The following ROBO1 variants were observed in gnomAD, a reference collection of about 807,000 sequenced individuals.
ROBO1 encodes the protein roundabout homolog 1.
In ROBO1, 149 loss-of-function variants were observed where a neutral mutation model predicts 195.9. That is an observed-to-expected ratio of 0.76 (90% CI 0.67 to 0.87). The LOEUF is 0.87. Ranked by LOEUF, ROBO1 falls within the 40% of genes least tolerant of loss-of-function variation. The probability of loss-of-function intolerance (pLI) is 0.00; values close to 1 mark genes in which losing one functional copy is unlikely to be tolerated. For synonymous variants in ROBO1, 816 were observed against 733.2 expected (o/e 1.11, Z -1.82); for missense variants, 1,933 against 2,068.3 (o/e 0.93, Z 1.27).
intron 1 of ROBO1, among the ~76,000 whole-genome samples, chr3:79,731,143 A>G (rs959493381): frequency 2.0e-5 from 3 of 152,178 alleles, no homozygotes; most frequent in African/African-American, 7.2e-5. Flanking sequence ...ACTTTAATAT[A>G]TCTCTGTCTC....
At chr3:79,261,889 C>G (rs1442076026) in intron 2 of ROBO1, among the ~76,000 whole-genome samples, 2 of 151,998 alleles carry the variant, frequency 1.3e-5, no homozygotes, top group African/African-American at 2.4e-5. Context: ...TAGAGTTGCT[C>G]TACGTTGTAA....
chr3:79,720,662 C>T (rs998711429), intron 1 of ROBO1, among the ~76,000 whole-genome samples: 12 of 152,096 alleles, frequency 7.9e-5, no homozygotes, highest in African/African-American at 2.9e-4. Context: ...ATAAAGTATG[C>T]TCAAGATTTC....
chr3:79,615,021 C>T (rs1361476014), intron 1 of ROBO1, among the ~76,000 whole-genome samples: 1 of 152,072 alleles, frequency 6.6e-6, no homozygotes, highest in African/African-American at 2.4e-5. Context: ...TCCTGTCTGT[C>T]AAGGGAATTC....
At chr3:78,688,895 G>T in intron 8 of ROBO1, 123 bp from the exon 9 acceptor site, 1 of 891,392 alleles carries the variant, frequency 1.1e-6, no homozygotes, top group Non-Finnish European at 1.6e-6. Flanking sequence ...AAACAGTCAT[G>T]ATATACCAAT....
rs139881822 is a variant in ROBO1, at chr3:78,689,332, G to A, written c.1046-560C>T. Reference sequence around the variant, plus strand: ...GACATGTTCAAACAGAATATATATGGAAATGAGGGAAAATTTGAAACATCT... The same window carrying A: ...GACATGTTCAAACAGAATATATATGAAAATGAGGGAAAATTTGAAACATCT... On this transcript the variant is annotated intron_variant, in intron 8 of 30. Transcript: ENST00000464233. 5.6e-3 allele frequency among the ~76,000 whole-genome samples: 845 copies of A among 152,194 alleles called. 6 individuals carry two copies. The highest frequency in any genetic ancestry group is 0.019 in the African/African-American group (803 of 41,518).
chr3:78,984,196 T>G (rs369281496), intron 3 of ROBO1, among the ~76,000 whole-genome samples: 1 of 152,022 alleles, frequency 6.6e-6, no homozygotes, highest in Non-Finnish European at 1.5e-5. Context: ...ATGATGAGGA[T>G]GATGATGATG....
chr3:78,898,360 CAGAT>C (rs1195018922), intron 4 of ROBO1, among the ~76,000 whole-genome samples: 2 of 137,222 alleles, frequency 1.5e-5, no homozygotes, highest in Non-Finnish European at 3.1e-5. Context: ...TATATATAGA[CAGAT>C]AGATAGATAG....
chr3:79,174,543 A>C (rs2081230571), intron 2 of ROBO1, among the ~76,000 whole-genome samples: 1 of 152,200 alleles, frequency 6.6e-6, no homozygotes, highest in Non-Finnish European at 1.5e-5. Context: ...TACCTTTAAA[A>C]TAGCTTAGAA....
intron 3 of ROBO1, among the ~76,000 whole-genome samples, chr3:79,029,500 A>G (rs1436526814): frequency 6.6e-6 from 1 of 152,172 alleles, no homozygotes; most frequent in Non-Finnish European, 1.5e-5. Context: ...AATAAACCAC[A>G]TTGTCCACTA....
intron 1 of ROBO1, among the ~76,000 whole-genome samples, chr3:79,701,116 T>C (rs1040438643): frequency 1.3e-5 from 2 of 151,754 alleles, no homozygotes; most frequent in African/African-American, 2.4e-5. Flanking sequence ...TCAACTTTGT[T>C]GAAAATAAGA....
intron 2 of ROBO1, among the ~76,000 whole-genome samples, chr3:79,588,192 G>A (rs1021788537): frequency 6.6e-6 from 1 of 151,694 alleles, no homozygotes; most frequent in African/African-American, 2.4e-5. Context: ...ATGTAAAATA[G>A]TAATGACAGA....
chr3:79,522,919 CT>C (rs1203460000), intron 2 of ROBO1, among the ~76,000 whole-genome samples: 1 of 152,078 alleles, frequency 6.6e-6, no homozygotes, highest in African/African-American at 2.4e-5. Flanking sequence ...AAATTGGAAC[CT>C]AAATAACATG....
rs187043779 is a variant in ROBO1 at position 78,921,641 on chromosome 3, T to G, written c.499+16960A>C. On this transcript the variant is annotated intron_variant, in intron 4 of 30. Transcript: ENST00000464233. ...TTTTGAGTAACAATACAAATGGGTA[T>G]GTTTGTATATAAAATATGTAAAAGT... Among the ~76,000 whole-genome samples the G allele has an allele frequency of 5.2e-3, 787 of 152,336 alleles. 6 individuals carry two copies. Among genetic ancestry groups the G allele is most frequent in the African/African-American group, 0.018 (749 of 41,572 alleles).
intron 2 of ROBO1, among the ~76,000 whole-genome samples, chr3:79,404,959 C>G (rs2037490333): frequency 6.6e-6 from 1 of 152,028 alleles, no homozygotes; most frequent in East Asian, 1.9e-4. Flanking sequence ...TCTGAACCCT[C>G]CTTGTATTAA....
At chr3:79,737,530 A>G (rs568650274) in intron 1 of ROBO1, among the ~76,000 whole-genome samples, 1 of 152,326 alleles carries the variant, frequency 6.6e-6, no homozygotes, top group Admixed American at 6.5e-5. Flanking sequence ...AAAGAAAAGA[A>G]TTTCTCTAAA....
rs116708352 is a variant in ROBO1, at chr3:79,136,738, T to C, written c.89-11199A>G. ...CTCAAACTTCTGCTTTAATCATGTA[T>C]GGCCCAAATAATTGTTGAATGTACT... is the stretch of plus-strand genomic sequence containing the variant. On this transcript the variant is annotated intron_variant, in intron 2 of 30. Coordinates refer to ENST00000464233, the MANE Select transcript of ROBO1 (RefSeq NM_002941.4). Among the ~76,000 whole-genome samples the C allele has an allele frequency of 3.6e-3, 549 of 152,230 alleles. 4 individuals carry two copies. The highest frequency in any genetic ancestry group is 0.013 in the African/African-American group (526 of 41,562).
intron 2 of ROBO1, among the ~76,000 whole-genome samples, chr3:79,433,996 G>A (rs2038786744): frequency 6.6e-6 from 1 of 152,140 alleles, no homozygotes; most frequent in Admixed American, 6.5e-5. Context: ...ATCGTGCTGG[G>A]AAAACTGGCT....
chr3:78,861,147 T>G (rs1201487849), intron 4 of ROBO1, among the ~76,000 whole-genome samples: 2 of 152,192 alleles, frequency 1.3e-5, no homozygotes, highest in East Asian at 1.9e-4. Flanking sequence ...CTGTATTAAA[T>G]GCACAGATCC....
intron 2 of ROBO1, among the ~76,000 whole-genome samples, chr3:79,258,348 G>A (rs1181525428): frequency 1.3e-5 from 2 of 152,050 alleles, no homozygotes; most frequent in Non-Finnish European, 1.5e-5. Context: ...ATACACATTT[G>A]CATTCTAAAA....
Sources: gnomAD v4.1 joint callset for allele counts (sites outside exome capture counted in the v4.1 genomes callset) on GRCh38, gnomAD v4.1.1 for gene constraint, MANE v1.5 for transcripts, NCBI Gene and HGNC (gene_info 2026-07-23, HGNC 2026-07-21) for gene names.